Variants in KCTD6 observed in about 807,000 individuals in gnomAD.
KCTD6 encodes potassium channel tetramerization domain containing 6, also known as BTB/POZ domain-containing protein KCTD6.
KCTD6 carries 6 observed loss-of-function variants against 18.7 expected under a neutral mutation model. The ratio of observed to expected loss-of-function variants is 0.32; its 90% CI spans 0.18 to 0.63. The LOEUF (loss-of-function observed/expected upper bound fraction) is 0.63. KCTD6 is among the 30% of genes least tolerant of loss of function. The pLI is 0.79. For synonymous variants in KCTD6, 86 were observed against 108.5 expected, an observed-to-expected ratio of 0.79 and a Z score of 1.29; for missense variants, 165 against 300.2, an observed-to-expected ratio of 0.55 and a Z score of 3.33.
chr3:58,498,766 G>A lies in KCTD6; in HGVS notation c.11G>A (p.Gly4Glu), dbSNP rs764956436. 2.5e-6 allele frequency: 4 copies of A among 1,612,596 alleles called. No homozygotes were observed. The Admixed American group carries it at 5.0e-5, about 20-fold the overall frequency. ...GCATCACTGGAGCAGATGGATAATG[G>A]AGACTGGGGCTATATGGTGAGTGCT... is the stretch of plus-strand genomic sequence containing the variant. MDN[G>E]DWGYMMTDPV... Residue 4 changes from glycine (G) to glutamate (E), a missense_variant, in exon 2 of 3, where the codon GGA becomes GAA. By Grantham distance (98) the Gly-to-Glu change is moderately conservative (BLOSUM62 -2). Coordinates refer to ENST00000404589, the MANE Select transcript of KCTD6 (RefSeq NM_001128214.2). This position sits in a 1 kb window ranked among gnomAD's most constrained non-coding sequence, Gnocchi z 4.6.
At position 58,492,196 on chromosome 3, in the gene KCTD6, G is replaced by A. The variant is rs1323761548; in HGVS notation, c.-44+27G>A. 2.7e-5 allele frequency: 4 copies of A among 149,666 alleles called. No homozygotes were observed. Among genetic ancestry groups the A allele is most frequent in the Non-Finnish European group, 6.0e-5 (4 of 66,878 alleles). 9.3% of individuals were successfully genotyped at this position (149,666 alleles called of 1,614,324 possible). On this transcript the variant is annotated intron_variant, in intron 1 of 2. Coordinates refer to ENST00000404589, the MANE Select transcript of KCTD6 (RefSeq NM_001128214.2). This position sits in a 1 kb window ranked among gnomAD's most constrained non-coding sequence, Gnocchi z 6.1. ...TGAGTGGGGCTGGCGCGGGGCTTGC[G>A]GGGCCGGGGTTTGGGAGGGCCGGGT...
Position 58,497,982 on chromosome 3 carries a change from C to CTTTTTTTTTTTTTT in KCTD6, c.-43-727_-43-714dup, listed in dbSNP as rs1233391851. The CTTTTTTTTTTTTTT allele has an allele frequency of 7.9e-6, 1 of 126,204 alleles. No individual in the cohort carries two copies. Among genetic ancestry groups the CTTTTTTTTTTTTTT allele is most frequent in the Non-Finnish European group, 1.7e-5 (1 of 58,256 alleles). The allele number at this position is 126,204 out of a possible 1,614,324, so 7.8% of individuals were successfully genotyped here. ...CCCTTCTCCCTTTTTCTTTTCTTTTCTTTTTTTTTTTTTTTTTGAGATGGA... is the reference window on the plus strand; with the variant it reads ...CCCTTCTCCCTTTTTCTTTTCTTTTCTTTTTTTTTTTTTTTTTTTTTTTTTTTTTTTGAGATGGA... On this transcript the variant is annotated intron_variant, in intron 1 of 2. Transcript: ENST00000404589. The surrounding 1 kb of genome is among the most constrained non-coding windows in gnomAD (Gnocchi z 4.2).
In KCTD6 at chr3:58,492,526, G is replaced by A. The variant is rs961833218; in HGVS notation, c.-44+357G>A. Among the ~76,000 whole-genome samples the A allele has an allele frequency of 6.6e-6, 1 of 152,016 alleles. No individual in the cohort carries two copies. On this transcript the variant is annotated intron_variant, in intron 1 of 2. Coordinates refer to ENST00000404589, the MANE Select transcript of KCTD6 (RefSeq NM_001128214.2). This position sits in a 1 kb window ranked among gnomAD's most constrained non-coding sequence, Gnocchi z 6.1. ...TTGCGGGGGCTTCGCTGGCGGGGCA[G>A]CAGCGAAGGGCGGCCCGGACGGAGA...
At chr3:58,500,646 A>C (rs370842446) in intron 2 of KCTD6, among the ~76,000 whole-genome samples, 1 of 151,744 alleles carries the variant, frequency 6.6e-6, no homozygotes, top group African/African-American at 2.4e-5. Context: ...TGGCCTGAAA[A>C]CTCTATAGAT....
At position 58,501,591 on chromosome 3, in the gene KCTD6, A is replaced by G; in HGVS notation, c.673A>G (p.Asn225Asp). The G allele has an allele frequency of 7.2e-7, 1 of 1,381,880 alleles. No individual in the cohort carries two copies. Among genetic ancestry groups the G allele is most frequent in the South Asian group, 2.2e-5 (1 of 44,694 alleles). The allele number at this position is 1,381,880 out of a possible 1,614,324, so 85.6% of individuals were successfully genotyped here. ...GGCCAATGAAAACACAGTGGAGCACAACTGGACTTTCTGTAGGCTAGCCCG... is the reference window on the plus strand; with the variant it reads ...GGCCAATGAAAACACAGTGGAGCACGACTGGACTTTCTGTAGGCTAGCCCG... ...ERANENTVEH[N>D]WTFCRLARKT... is the part of the protein sequence containing the mutation. The change falls in exon 3 of 3, where the codon AAC (asparagine) becomes GAC (aspartate). Residue 225 changes from asparagine to aspartate, a missense_variant. Around this residue, in one of 2 missense-constraint regions of KCTD6, gnomAD observed 106 missense variants for 230.4 expected, o/e 0.46. Coordinates refer to ENST00000404589, the MANE Select transcript of KCTD6 (RefSeq NM_001128214.2). This position sits in a 1 kb window ranked among gnomAD's most constrained non-coding sequence, Gnocchi z 9.7.
chr3:58,492,301 G>A lies in KCTD6; in HGVS notation c.-44+132G>A, dbSNP rs1029550372. On this transcript the variant is annotated intron_variant, in intron 1 of 2. Coordinates refer to ENST00000404589, the MANE Select transcript of KCTD6 (RefSeq NM_001128214.2). The surrounding 1 kb of genome is among the most constrained non-coding windows in gnomAD (Gnocchi z 6.1). The stretch of plus-strand genomic sequence containing the variant: ...GCGGGGGCTCCTGGAACGGGGCGGC[G>A]GCGGGGCCGCGTTGAGGGGACCGCG... 1 of 149,702 alleles carries A rather than the reference G, an allele frequency of 6.7e-6. No individual in the cohort carries two copies. Among genetic ancestry groups the A allele is most frequent in the Non-Finnish European group, 1.5e-5 (1 of 67,116 alleles). The allele number at this position is 149,702 out of a possible 1,614,324, so 9.3% of individuals were successfully genotyped here.
chr3:58,500,888 T>C, intron 2 of KCTD6, 58 bp from the exon 3 acceptor site: 1 of 1,097,342 alleles, frequency 9.1e-7, no homozygotes, highest in Non-Finnish European at 1.3e-6. Context: ...CTTTCTTAAT[T>C]TGTCAAAGTT....
intron 1 of KCTD6, chr3:58,494,055 G>A (rs1319056228): frequency 6.6e-6 from 1 of 152,128 alleles, no homozygotes; most frequent in African/African-American, 2.4e-5. Flanking sequence ...TTTATCTTGC[G>A]GAAACTGAGG....
chr3:58,501,242 T>C lies in KCTD6; in HGVS notation c.324T>C (p.Pro108=). 4 of 1,614,214 alleles carry C rather than the reference T, an allele frequency of 2.5e-6. No homozygotes were observed. The highest frequency in any genetic ancestry group is 3.4e-6 in the Non-Finnish European group (4 of 1,180,036). Residue 108 remains proline (P), a synonymous_variant, in exon 3 of 3, where the codon CCT becomes CCC. Coordinates refer to ENST00000404589, the MANE Select transcript of KCTD6 (RefSeq NM_001128214.2). The surrounding 1 kb of genome is among the most constrained non-coding windows in gnomAD (Gnocchi z 9.7). ...IEPLIQCLND[P]KPLYPMDTFE... ...CCTTGATTCAGTGTCTCAATGATCC[T>C]AAGCCTTTGTATCCCATGGATACTT... is the stretch of plus-strand genomic sequence containing the variant.
Position 58,492,345 on chromosome 3 carries a change from G to A in KCTD6, c.-44+176G>A, listed in dbSNP as rs2063158691. Among the ~76,000 whole-genome samples the A allele has an allele frequency of 1.3e-5, 2 of 150,218 alleles. No homozygotes were observed. ...GACCGCGCGTCCCGGGCTGGCACGAGCCAGCAGCGGAGGTGCCCGCGGCGG... is the reference window on the plus strand; with the variant it reads ...GACCGCGCGTCCCGGGCTGGCACGAACCAGCAGCGGAGGTGCCCGCGGCGG... On this transcript the variant is annotated intron_variant, in intron 1 of 2. Transcript: ENST00000404589. The surrounding 1 kb of genome is among the most constrained non-coding windows in gnomAD (Gnocchi z 6.1).
chr3:58,492,201 C>G lies in KCTD6; in HGVS notation c.-44+32C>G, dbSNP rs1346677786. 6.7e-6 allele frequency: 1 copy of G among 149,270 alleles called. No individual in the cohort carries two copies. The highest frequency in any genetic ancestry group is 1.5e-5 in the Non-Finnish European group (1 of 66,796). 9.2% of individuals were successfully genotyped at this position (149,270 alleles called of 1,614,324 possible). A position where few individuals can be genotyped will look rare whatever the true frequency, so the allele number is the denominator to read the frequency against. The stretch of plus-strand genomic sequence containing the variant: ...GGGGCTGGCGCGGGGCTTGCGGGGC[C>G]GGGGTTTGGGAGGGCCGGGTTTCAG... On this transcript the variant is annotated intron_variant, in intron 1 of 2. Transcript: ENST00000404589. The surrounding 1 kb of genome is among the most constrained non-coding windows in gnomAD (Gnocchi z 6.1).
chr3:58,496,507 T>G lies in KCTD6; in HGVS notation c.-43-2206T>G, dbSNP rs1012602134. ...AATGTTGTAGGGGGAAAAAAAGTCTTTCATGCCCCTGTCTATTAAATTGTT... is the reference window on the plus strand; with the variant it reads ...AATGTTGTAGGGGGAAAAAAAGTCTGTCATGCCCCTGTCTATTAAATTGTT... On this transcript the variant is annotated intron_variant, in intron 1 of 2. Transcript: ENST00000404589. This position sits in a 1 kb window ranked among gnomAD's most constrained non-coding sequence, Gnocchi z 5.1. Among the ~76,000 whole-genome samples the G allele has an allele frequency of 6.6e-6, 1 of 152,330 alleles. No individual in the cohort carries two copies. Among genetic ancestry groups the G allele is most frequent in the South Asian group, 2.1e-4 (1 of 4,826 alleles).
At position 58,501,451 on chromosome 3, in the gene KCTD6, C is replaced by G. The variant is rs1056164221; in HGVS notation, c.533C>G (p.Thr178Ser). The G allele has an allele frequency of 1.3e-6, 2 of 1,530,000 alleles. No individual in the cohort carries two copies. Among genetic ancestry groups the G allele is most frequent in the African/African-American group, 2.8e-5 (2 of 71,988 alleles). 94.8% of individuals were successfully genotyped at this position (1,530,000 alleles called of 1,614,324 possible). The change falls in exon 3 of 3, where the codon ACT becomes AGT. Residue 178 changes from threonine (T) to serine (S), a missense_variant. This residue lies in a region of KCTD6 where 106 missense variants were observed against 230.4 expected (regional missense o/e 0.46). Coordinates refer to ENST00000404589, the MANE Select transcript of KCTD6 (RefSeq NM_001128214.2). The surrounding 1 kb of genome is among the most constrained non-coding windows in gnomAD (Gnocchi z 9.7). ...MDTRDCQVSF[T>S]FGPCDYHQEV... The stretch of plus-strand genomic sequence containing the variant: ...ACCAGAGACTGCCAGGTTTCCTTTA[C>G]TTTTGGACCCTGTGATTATCACCAG...
At chr3:58,494,334 T>G (rs1288470006) in intron 1 of KCTD6, 4 of 152,202 alleles carry the variant, frequency 2.6e-5, no homozygotes, top group Non-Finnish European at 5.9e-5. Flanking sequence ...CTGAACTAGT[T>G]ACTATAAAAA....
chr3:58,500,885 A>T, intron 2 of KCTD6, 61 bp from the exon 3 acceptor site: 1 of 1,074,130 alleles, frequency 9.3e-7, no homozygotes, highest in Non-Finnish European at 1.4e-6. Flanking sequence ...TTACTTTCTT[A>T]ATTTGTCAAA....
Position 58,492,385 on chromosome 3 carries a change from T to G in KCTD6, c.-44+216T>G, listed in dbSNP as rs1410779691. Among the ~76,000 whole-genome samples the G allele has an allele frequency of 6.7e-6, 1 of 149,730 alleles. No individual in the cohort carries two copies. Among genetic ancestry groups the G allele is most frequent in the East Asian group, 2.0e-4 (1 of 5,060 alleles). Reference sequence around the variant, plus strand: ...GCCCGCGGCGGGGCCTGGGCGGGGGTTCCGGGGCCCGCCCGGCGGGGATGC... The same window carrying G: ...GCCCGCGGCGGGGCCTGGGCGGGGGGTCCGGGGCCCGCCCGGCGGGGATGC... On this transcript the variant is annotated intron_variant, in intron 1 of 2. Coordinates refer to ENST00000404589, the MANE Select transcript of KCTD6 (RefSeq NM_001128214.2). This position sits in a 1 kb window ranked among gnomAD's most constrained non-coding sequence, Gnocchi z 6.1.
intron 2 of KCTD6, among the ~76,000 whole-genome samples, chr3:58,499,579 G>A (rs1479809147): frequency 9.3e-6 from 1 of 107,690 alleles, no homozygotes; most frequent in African/African-American, 3.7e-5. Flanking sequence ...ACAGGGTCTT[G>A]CTCTTTTCCC....
chr3:58,492,481 C>T lies in KCTD6; in HGVS notation c.-44+312C>T, dbSNP rs1423234416. Among the ~76,000 whole-genome samples the T allele has an allele frequency of 2.0e-5, 3 of 151,884 alleles. No individual in the cohort carries two copies. The highest frequency in any genetic ancestry group is 4.4e-5 in the Non-Finnish European group (3 of 67,912). The stretch of plus-strand genomic sequence containing the variant: ...GTCCGGGCCCGGAGCATCGCCCGCC[C>T]TACCCCTGGCCGGGTCGGGTTGCGG... On this transcript the variant is annotated intron_variant, in intron 1 of 2. Transcript: ENST00000404589. The surrounding 1 kb of genome is among the most constrained non-coding windows in gnomAD (Gnocchi z 6.1).
chr3:58,496,615 A>G lies in KCTD6; in HGVS notation c.-43-2098A>G, dbSNP rs374100461. Among the ~76,000 whole-genome samples, 1 of 152,118 alleles carries G rather than the reference A, an allele frequency of 6.6e-6. No individual in the cohort carries two copies. The highest frequency in any genetic ancestry group is 2.4e-5 in the African/African-American group (1 of 41,480). On this transcript the variant is annotated intron_variant, in intron 1 of 2. Transcript: ENST00000404589. The surrounding 1 kb of genome is among the most constrained non-coding windows in gnomAD (Gnocchi z 5.1). ...AATGGGCTCTTCCCAGAAGTCCTCT[A>G]TTTCCCATTTGAAATCTTGCTTTTC...
Sources: allele counts gnomAD v4.1 joint callset (sites outside exome capture counted in the v4.1 genomes callset), GRCh38; gene constraint gnomAD v4.1.1; regional missense constraint gnomAD v4.1.1; non-coding constraint Gnocchi (gnomAD v3.1); transcripts MANE v1.5; gene names NCBI Gene and HGNC (gene_info 2026-07-23, HGNC 2026-07-21).